The following NAV1 variants were observed in gnomAD, a reference collection of about 807,000 sequenced individuals.
The protein encoded by NAV1 is pore membrane and/or filament interacting like protein 3.
In NAV1, 18 loss-of-function variants were observed where a neutral mutation model predicts 175.2. The ratio of observed to expected loss-of-function variants is 0.10; its 90% CI spans 0.07 to 0.15. The LOEUF (loss-of-function observed/expected upper bound fraction) is 0.15. NAV1 is among the 10% of genes least tolerant of loss of function. The pLI, the probability that NAV1 is intolerant of heterozygous loss-of-function variation, is 1.00. For synonymous variants in NAV1, 897 were observed against 978.7 expected, an observed-to-expected ratio of 0.92 and a Z score of 1.56; for missense variants, 1,731 against 2,436.6, an observed-to-expected ratio of 0.71 and a Z score of 6.10.
intron 1 of NAV1, among the ~76,000 whole-genome samples, chr1:201,695,762 G>A (rs1205364440): frequency 6.6e-6 from 1 of 152,144 alleles, no homozygotes; most frequent in African/African-American, 2.4e-5. Flanking sequence ...GCCTCTTCTT[G>A]TACCTTCCTG....
chr1:201,618,351 C>A (rs1383503257), upstream of NAV1, among the ~76,000 whole-genome samples: 1 of 152,206 alleles, frequency 6.6e-6, no homozygotes, highest in Non-Finnish European at 1.5e-5. Context: ...ACAGTACCAC[C>A]GAAGGCAAAC....
At chr1:201,566,872 G>T (rs1666368346) in intron 1 of NAV1, among the ~76,000 whole-genome samples, 1 of 150,948 alleles carries the variant, frequency 6.6e-6, no homozygotes, top group Non-Finnish European at 1.5e-5. Flanking sequence ...TTGCTTTTTT[G>T]CTTAATATTA....
intron 3 of NAV1, among the ~76,000 whole-genome samples, chr1:201,778,150 T>G (rs1676080679): frequency 6.6e-6 from 1 of 152,166 alleles, no homozygotes; most frequent in African/African-American, 2.4e-5. Context: ...GAAAAGAGCT[T>G]GGGAAGGAAT....
chr1:201,610,314 T>C (rs1033178564), intron 2 of NAV1, among the ~76,000 whole-genome samples: 1 of 152,244 alleles, frequency 6.6e-6, no homozygotes, highest in Non-Finnish European at 1.5e-5. Context: ...AAGATGTCAA[T>C]ATGCTGAAAC....
In NAV1 at chr1:201,782,109, A is replaced by G; in HGVS notation, c.1664-67A>G. On this transcript the variant is annotated intron_variant, in intron 5 of 29. Transcript: ENST00000367296. The surrounding 1 kb of genome is among the most constrained non-coding windows in gnomAD (Gnocchi z 5.4). ...ATGTTCCCTTCTCCCATGGAGGGAA[A>G]GAAAAGGGTGGGTTTTTAAGATACT... 1 of 1,396,482 alleles carries G rather than the reference A, an allele frequency of 7.2e-7. No homozygotes were observed. Among genetic ancestry groups the G allele is most frequent in the Non-Finnish European group, 9.7e-7 (1 of 1,029,418 alleles). 86.5% of individuals were successfully genotyped at this position (1,396,482 alleles called of 1,614,324 possible). A position where few individuals can be genotyped will look rare whatever the true frequency, so the allele number is the denominator to read the frequency against.
intron 1 of NAV1, among the ~76,000 whole-genome samples, chr1:201,657,470 G>A (rs2819395): frequency 0.4 from 61,271 of 151,892 alleles, 12,603 homozygotes; most frequent in African/African-American, 0.47. Context: ...TGCTCCATTC[G>A]TCTTTCTGCT....
intron 15 of NAV1, among the ~76,000 whole-genome samples, chr1:201,801,202 G>A (rs1283571845): frequency 1.3e-5 from 2 of 152,168 alleles, no homozygotes; most frequent in Non-Finnish European, 2.9e-5. Context: ...GATAATCGTT[G>A]TACAAAGGGT....
chr1:201,680,948 A>G (rs1252483815), intron 1 of NAV1, among the ~76,000 whole-genome samples: 1 of 152,092 alleles, frequency 6.6e-6, no homozygotes, highest in African/African-American at 2.4e-5. Flanking sequence ...CCCTGGTTCA[A>G]TCGCAAGTCT....
intron 3 of NAV1, among the ~76,000 whole-genome samples, chr1:201,778,554 T>A (rs1050610130): frequency 4.6e-5 from 7 of 152,182 alleles, no homozygotes; most frequent in Non-Finnish European, 1.0e-4. Context: ...CCAGGACAAA[T>A]GTGAGGTTTA....
chr1:201,608,049 CAT>C (rs1297744949), intron 2 of NAV1, among the ~76,000 whole-genome samples: 7 of 152,160 alleles, frequency 4.6e-5, no homozygotes, highest in South Asian at 4.2e-4. Context: ...TTCTAATGCA[CAT>C]GTTATTTTTA....
intron 2 of NAV1, among the ~76,000 whole-genome samples, chr1:201,612,812 T>A (rs1348793227): frequency 6.6e-6 from 1 of 152,096 alleles, no homozygotes; most frequent in African/African-American, 2.4e-5. Context: ...TGTGTGAGTG[T>A]GCTTGTGTGG....
exon 7 of NAV1, chr1:201,783,730 C>T (rs779821151): frequency 2.5e-6 from 4 of 1,614,070 alleles, no homozygotes; most frequent in Admixed American, 1.7e-5. Context: ...CAATGAGCCT[C>T]CCCAGTGCCT....
intron 3 of NAV1, among the ~76,000 whole-genome samples, chr1:201,747,007 AATG>A (rs1673812578): frequency 6.6e-6 from 1 of 152,092 alleles, no homozygotes; most frequent in South Asian, 2.1e-4. Flanking sequence ...AAAAAAAAAA[AATG>A]AAGAAATTTG....
Position 201,788,676 on chromosome 1 carries a change from G to A in NAV1, c.3166+38G>A. The A allele has an allele frequency of 1.3e-6, 2 of 1,565,018 alleles. No individual in the cohort carries two copies. The highest frequency in any genetic ancestry group is 1.7e-6 in the Non-Finnish European group (2 of 1,151,634). The stretch of plus-strand genomic sequence containing the variant: ...GCTAGCGCGGTTCACGCTCATTCCA[G>A]CTCTGCTGGGTCCCCTCACCCACCA... On this transcript the variant is annotated intron_variant, in intron 10 of 29. Coordinates refer to ENST00000367296, the Ensembl canonical transcript of NAV1. The surrounding 1 kb of genome is among the most constrained non-coding windows in gnomAD (Gnocchi z 5.7).
At chr1:201,710,999 T>A (rs960811157) in intron 1 of NAV1, among the ~76,000 whole-genome samples, 10 of 152,180 alleles carry the variant, frequency 6.6e-5, no homozygotes, top group Non-Finnish European at 1.2e-4. Flanking sequence ...AGTCCCCACA[T>A]AGGCATTTTA....
At position 201,575,065 on chromosome 1, in the gene NAV1, C is replaced by T. The variant is rs12745553; in HGVS notation, c.-143-13474C>T. Among the ~76,000 whole-genome samples, 1,380 of 152,364 alleles carry T rather than the reference C, an allele frequency of 9.1e-3. 7 individuals are homozygous for T. The highest frequency in any genetic ancestry group is 0.014 in the Non-Finnish European group (945 of 68,040). ...GCTGACACAAAGGGCCCATCTTCAA[C>T]CTAGATGGTGCTTTCTCCTTTGAAG... On this transcript the variant is annotated intron_variant, in intron 1 of 33. Transcript: ENST00000685211.
intron 1 of NAV1, among the ~76,000 whole-genome samples, chr1:201,696,181 G>A (rs1671181942): frequency 6.6e-6 from 1 of 152,158 alleles, no homozygotes; most frequent in Non-Finnish European, 1.5e-5. Flanking sequence ...ATGAAGGAGA[G>A]GGTGGGGTTG....
chr1:201,656,742 C>T (rs146421807), intron 1 of NAV1, among the ~76,000 whole-genome samples: 8 of 152,318 alleles, frequency 5.3e-5, no homozygotes, highest in Non-Finnish European at 8.8e-5. Flanking sequence ...ACTGAAGGGA[C>T]ATTTGCGTGC....
intron 3 of NAV1, among the ~76,000 whole-genome samples, chr1:201,773,254 G>T (rs480937): frequency 0.33 from 49,898 of 151,924 alleles, 9,126 homozygotes; most frequent in Admixed American, 0.43. Context: ...TCACTATGTT[G>T]CCCAGGCTGG....
Sources: gnomAD v4.1 joint callset for allele counts (sites outside exome capture counted in the v4.1 genomes callset) on GRCh38, gnomAD v4.1.1 for gene constraint, Gnocchi (gnomAD v3.1) non-coding constraint, MANE v1.5 for transcripts, NCBI Gene and HGNC (gene_info 2026-07-23, HGNC 2026-07-21) for gene names.